The following SGPP2 variants were observed in gnomAD, a reference collection of about 807,000 sequenced individuals.
The protein encoded by SGPP2 is sphingosine 1-phosphate phosphohydrolase 2.
Under a neutral mutation model 33.9 loss-of-function variants are expected in SGPP2, and 30 were observed. That is an observed-to-expected ratio of 0.89 (90% confidence interval 0.66 to 1.20). SGPP2 has a LOEUF of 1.20. SGPP2 is among the 50% of genes most tolerant of loss of function. SGPP2 has a pLI of 0.00. For missense variants in SGPP2, 458 were observed against 532.1 expected, an observed-to-expected ratio of 0.86 and a Z score of 1.37; for synonymous variants, 233 against 225.0, an observed-to-expected ratio of 1.04 and a Z score of -0.32.
intron 2 of SGPP2, among the ~76,000 whole-genome samples, chr2:222,517,463 C>G (rs1362901880): frequency 6.6e-6 from 1 of 152,138 alleles, no homozygotes; most frequent in Non-Finnish European, 1.5e-5. Context: ...CCCACCACAT[C>G]CCCCTTCCAA....
At chr2:222,429,919 G>A (rs1302127929) in intron 1 of SGPP2, among the ~76,000 whole-genome samples, 1 of 152,136 alleles carries the variant, frequency 6.6e-6, no homozygotes, top group African/African-American at 2.4e-5. Flanking sequence ...AATCTTTGGA[G>A]AAAATAAACC....
At chr2:222,486,048 G>A (rs941307445) in intron 2 of SGPP2, among the ~76,000 whole-genome samples, 3 of 152,222 alleles carry the variant, frequency 2.0e-5, no homozygotes, top group Admixed American at 1.3e-4. Flanking sequence ...CCCGGCCTCA[G>A]GGAACTGGCC....
chr2:222,507,183 C>T lies in SGPP2; in HGVS notation c.379-14584C>T, dbSNP rs1574867207. On this transcript the variant is annotated intron_variant, in intron 2 of 4. Coordinates refer to ENST00000321276, the MANE Select transcript of SGPP2 (RefSeq NM_152386.4). ...GATTGGTATAGAATTCAGCTGTTAG[C>T]GCAAATGGCTTGGTTTGATTTTCCT... Among the ~76,000 whole-genome samples, 3 of 152,202 alleles carry T rather than the reference C, an allele frequency of 2.0e-5. No homozygotes were observed. The East Asian group carries it at 5.8e-4, about 29-fold the overall frequency.
intron 2 of SGPP2, chr2:222,504,438 T>C (rs557713509): frequency 5.9e-5 from 9 of 152,150 alleles, no homozygotes; most frequent in African/African-American, 2.2e-4. Flanking sequence ...TTCGAAGGAG[T>C]TGTCATCTTC....
chr2:222,474,207 A>G lies in SGPP2; in HGVS notation c.220-361A>G, dbSNP rs77608221. On this transcript the variant is annotated intron_variant, in intron 1 of 4. Transcript: ENST00000321276. Reference sequence around the variant, plus strand: ...AGGATTTAGGACATAGAAATCTTTGAGGGAAGCATTACTCTGCCTATTGCA... The same window carrying G: ...AGGATTTAGGACATAGAAATCTTTGGGGGAAGCATTACTCTGCCTATTGCA... 6.6e-3 allele frequency among the ~76,000 whole-genome samples: 1,006 copies of G among 152,316 alleles called. 11 individuals carry two copies. The highest frequency in any genetic ancestry group is 0.023 in the African/African-American group (961 of 41,558).
chr2:222,458,270 G>A (rs1697602893), intron 1 of SGPP2, among the ~76,000 whole-genome samples: 1 of 151,546 alleles, frequency 6.6e-6, no homozygotes, highest in African/African-American at 2.4e-5. Context: ...GGCCAGGCTG[G>A]TCTCAAACTT....
chr2:222,545,341 G>A (rs1181664438), intron 4 of SGPP2, among the ~76,000 whole-genome samples: 1 of 151,138 alleles, frequency 6.6e-6, no homozygotes, highest in Non-Finnish European at 1.5e-5. Flanking sequence ...GAGTGCAGTG[G>A]CACAATCTTG....
rs111725244 is a variant in SGPP2 at position 222,427,701 on chromosome 2, T to C, written c.219+2880T>C. On this transcript the variant is annotated intron_variant, in intron 1 of 4. Coordinates refer to ENST00000321276, the MANE Select transcript of SGPP2 (RefSeq NM_152386.4). ...CCTTCAAACAATAGAGAAGTTTTCT[T>C]CTTCATTTGAGTGACTTTAGATCTT... Among the ~76,000 whole-genome samples the C allele has an allele frequency of 4.3e-3, 659 of 152,378 alleles. 9 individuals are homozygous for C. Among genetic ancestry groups the C allele is most frequent in the African/African-American group, 0.015 (629 of 41,590 alleles).
At chr2:222,427,813 G>A (rs918974837) in intron 1 of SGPP2, among the ~76,000 whole-genome samples, 3 of 152,146 alleles carry the variant, frequency 2.0e-5, no homozygotes, top group African/African-American at 7.2e-5. Context: ...GTTTTCAAGT[G>A]ACTAAAAGTT....
chr2:222,508,289 A>C (rs566799401), intron 2 of SGPP2, among the ~76,000 whole-genome samples: 12 of 152,198 alleles, frequency 7.9e-5, no homozygotes, highest in Non-Finnish European at 2.9e-5. Flanking sequence ...ATTCACTTAG[A>C]TTCGGTAGTG....
chr2:222,472,645 G>A (rs1697862566), intron 1 of SGPP2, among the ~76,000 whole-genome samples: 1 of 152,182 alleles, frequency 6.6e-6, no homozygotes. Context: ...CAGAATTCAG[G>A]CCTCTCCCAA....
At chr2:222,486,418 A>G (rs1225876952) in intron 2 of SGPP2, among the ~76,000 whole-genome samples, 1 of 152,212 alleles carries the variant, frequency 6.6e-6, no homozygotes, top group East Asian at 1.9e-4. Flanking sequence ...AGGGTCTTGA[A>G]TAAATAATTT....
At chr2:222,494,866 A>G (rs1698252365) in intron 2 of SGPP2, among the ~76,000 whole-genome samples, 1 of 152,168 alleles carries the variant, frequency 6.6e-6, no homozygotes, top group Non-Finnish European at 1.5e-5. Context: ...GGCCTTGCCT[A>G]GCATTAGTCT....
At chr2:222,435,410 A>G (rs1277633318) in intron 1 of SGPP2, among the ~76,000 whole-genome samples, 3 of 152,182 alleles carry the variant, frequency 2.0e-5, no homozygotes, top group Admixed American at 6.5e-5. Flanking sequence ...ACACCCTCAC[A>G]GACACACCCA....
At position 222,476,665 on chromosome 2, in the gene SGPP2, G is replaced by A. The variant is rs1015736157; in HGVS notation, c.378+1939G>A. On this transcript the variant is annotated intron_variant, in intron 2 of 4. Transcript: ENST00000321276. The surrounding 1 kb of genome is among the most constrained non-coding windows in gnomAD (Gnocchi z 4.3). Reference sequence around the variant, plus strand: ...GGGCTTGAGTTTCTTTCCTACTGTCGTTTATTTTCTAAGATGTGTGTGTGT... The same window carrying A: ...GGGCTTGAGTTTCTTTCCTACTGTCATTTATTTTCTAAGATGTGTGTGTGT... 7.3e-5 allele frequency among the ~76,000 whole-genome samples: 11 copies of A among 151,568 alleles called. No individual in the cohort carries two copies. Among genetic ancestry groups the A allele is most frequent in the African/African-American group, 2.7e-4 (11 of 41,218 alleles).
chr2:222,455,374 C>A (rs990165824), intron 1 of SGPP2, among the ~76,000 whole-genome samples: 7 of 152,092 alleles, frequency 4.6e-5, no homozygotes, highest in Admixed American at 1.3e-4. Flanking sequence ...GCGAAGGAGC[C>A]AACCAGGAGG....
chr2:222,452,272 T>G (rs2106076712), intron 1 of SGPP2: 1 of 492,072 alleles, frequency 2.0e-6, no homozygotes, highest in South Asian at 1.9e-5. Context: ...ATTGACTGGA[T>G]AGGCATAATG....
chr2:222,448,848 G>A (rs930732799), intron 1 of SGPP2, among the ~76,000 whole-genome samples: 3 of 152,140 alleles, frequency 2.0e-5, no homozygotes, highest in Non-Finnish European at 2.9e-5. Flanking sequence ...GAACCAGTCA[G>A]GCTCCTAATT....
intron 2 of SGPP2, among the ~76,000 whole-genome samples, chr2:222,505,389 C>T (rs978843440): frequency 1.1e-4 from 17 of 152,268 alleles, no homozygotes; most frequent in African/African-American, 4.1e-4. Flanking sequence ...ATGGAATATA[C>T]AGTTGATCTT....
Sources: allele counts gnomAD v4.1 joint callset (sites outside exome capture counted in the v4.1 genomes callset), GRCh38; gene constraint gnomAD v4.1.1; non-coding constraint Gnocchi (gnomAD v3.1); transcripts MANE v1.5; gene names NCBI Gene and HGNC (gene_info 2026-07-23, HGNC 2026-07-21).